Variants in DGKA observed in about 807,000 individuals in gnomAD.
DGKA encodes the protein diacylglycerol kinase alpha, also known as 80 kDa diacylglycerol kinase.
A neutral mutation model predicts 105.0 loss-of-function variants in DGKA; 35 were observed. That is an observed-to-expected ratio of 0.33 (90% CI 0.25 to 0.44). The LOEUF is 0.44. Ranked by LOEUF, DGKA falls within the 20% of genes least tolerant of loss-of-function variation. DGKA has a pLI of 1.00. For synonymous variants in DGKA, 296 were observed against 332.0 expected (o/e 0.89, Z 1.18); for missense variants, 665 against 915.0 (o/e 0.73, Z 3.53).
At chr12:55,937,202 T>A in intron 3 of DGKA, 112 bp downstream of exon 3, 1 of 1,274,642 alleles carries the variant, frequency 7.8e-7, no homozygotes, top group South Asian at 1.2e-5. Context: ...CCTCTAGAGA[T>A]ACCCTAGTGT....
rs745659943 is a variant in DGKA, at chr12:55,939,455, G to A, written c.635G>A (p.Arg212Lys). Residue 212 changes from arginine (R) to lysine (K), a missense_variant, in exon 9 of 24, where the codon AGG (arginine) becomes AAG (lysine). Physicochemically the swap from Arg to Lys is conservative, Grantham distance 26 (BLOSUM62 2). This residue lies in a region of DGKA where 504 missense variants were observed against 681.2 expected (regional missense o/e 0.74). Coordinates refer to ENST00000331886, the MANE Select transcript of DGKA (RefSeq NM_001345.5). ...DDGQHMWRPK[R>K]FPRPVYCNLC... ...GGACAGCACATGTGGAGGCCCAAGA[G>A]GTTCCCCAGACCAGTCTACTGCAAT... 7 of 1,614,074 alleles carry A rather than the reference G, an allele frequency of 4.3e-6. No individual in the cohort carries two copies. The highest frequency in any genetic ancestry group is 3.3e-4 in the Middle Eastern group (2 of 6,084).
At position 55,936,474 on chromosome 12, in the gene DGKA, T is replaced by C. The variant is rs754587331; in HGVS notation, c.-30T>C. On this transcript the variant is annotated 5_prime_UTR_variant, in exon 2 of 24. Coordinates refer to ENST00000331886, the MANE Select transcript of DGKA (RefSeq NM_001345.5). ...ACGGAAGTACTACTACGAAGCTGCCTTTCTGGCCATCCTTGAGAAAAATAG... is the reference window on the plus strand; with the variant it reads ...ACGGAAGTACTACTACGAAGCTGCCCTTCTGGCCATCCTTGAGAAAAATAG... 1.6e-5 allele frequency: 25 copies of C among 1,611,648 alleles called. No individual in the cohort carries two copies. The highest frequency in any genetic ancestry group is 2.1e-5 in the Non-Finnish European group (25 of 1,178,426).
chr12:55,938,839 C>T, intron 6 of DGKA, 76 bp from the exon 7 acceptor site: 1 of 1,587,130 alleles, frequency 6.3e-7, no homozygotes, highest in East Asian at 2.2e-5. Context: ...AACCCAGGAA[C>T]ACTGATTTCT....
In DGKA at chr12:55,941,241, C is replaced by T; in HGVS notation, c.1102-11C>T. The stretch of plus-strand genomic sequence containing the variant: ...TGCTTTCTTTGTCCTTATTTTCTTC[C>T]CCCAATGCAGATTGACCCTGTTCCT... On this transcript the variant is annotated splice_polypyrimidine_tract_variant and intron_variant, in intron 13 of 23. Transcript: ENST00000331886. 6.2e-7 allele frequency: 1 copy of T among 1,608,664 alleles called. No individual in the cohort carries two copies. Among genetic ancestry groups the T allele is most frequent in the South Asian group, 1.1e-5 (1 of 90,862 alleles).
At chr12:55,928,702 A>C (rs1164530709), upstream of DGKA, among the ~76,000 whole-genome samples, 3 of 150,086 alleles carry the variant, frequency 2.0e-5, no homozygotes, top group Non-Finnish European at 4.4e-5. Context: ...AAAAAAAAAA[A>C]AAAACTAAAA....
chr12:55,938,827 G>A, intron 6 of DGKA, 88 bp from the exon 7 acceptor site: 1 of 1,573,814 alleles, frequency 6.4e-7, no homozygotes. Flanking sequence ...AATCTGGGGT[G>A]GAACCCAGGA....
Position 55,942,078 on chromosome 12 carries a change from C to A in DGKA, c.1331C>A (p.Thr444Asn), listed in dbSNP as rs747879364. 6.2e-7 allele frequency: 1 copy of A among 1,614,112 alleles called. No individual in the cohort carries two copies. The highest frequency in any genetic ancestry group is 1.1e-5 in the South Asian group (1 of 91,078). ...GDGTVGWILE[T>N]IDKANLPVLP... Reference sequence around the variant, plus strand: ...GGCACAGTAGGCTGGATTCTAGAGACCATTGGTCAGTGCAGGGAGGGGCGT... The same window carrying A: ...GGCACAGTAGGCTGGATTCTAGAGAACATTGGTCAGTGCAGGGAGGGGCGT... The change falls in exon 16 of 24, where the codon ACC becomes AAC. Residue 444 changes from threonine (T) to asparagine (N), a missense_variant. Physicochemically the swap from Thr to Asn is moderately conservative, Grantham distance 65 (BLOSUM62 0). Around this residue, in one of 3 missense-constraint regions of DGKA, gnomAD observed 504 missense variants for 681.2 expected, o/e 0.74. Transcript: ENST00000331886.
chr12:55,938,858 G>A (rs900175320), intron 6 of DGKA, 57 bp from the exon 7 acceptor site: 2 of 1,606,732 alleles, frequency 1.2e-6, no homozygotes, highest in African/African-American at 1.3e-5. Flanking sequence ...CTGGAAAAGA[G>A]TTTGGATGGT....
rs1884949508 is a variant in DGKA at position 55,937,284 on chromosome 12, C to A, written c.139-124C>A. 8 of 1,301,904 alleles carry A rather than the reference C, an allele frequency of 6.1e-6. No individual in the cohort carries two copies. The East Asian group carries it at 1.6e-4, about 26-fold the overall frequency. The allele number at this position is 1,301,904 out of a possible 1,614,324, so 80.6% of individuals were successfully genotyped here. Reference sequence around the variant, plus strand: ...TTAACTCAGGACTTAATCAAAGAAACCATACTCCTGCCTCAGATGCTTCTC... The same window carrying A: ...TTAACTCAGGACTTAATCAAAGAAAACATACTCCTGCCTCAGATGCTTCTC... On this transcript the variant is annotated intron_variant, in intron 3 of 23. Transcript: ENST00000331886.
intron 2 of DGKA, 118 bp downstream of exon 2, chr12:55,936,685 A>G (rs1451494543): frequency 1.4e-6 from 2 of 1,398,492 alleles, no homozygotes; most frequent in South Asian, 1.2e-5. Context: ...TGTGCTGCTC[A>G]GATGTGCCCA....
At position 55,953,791 on chromosome 12, in the gene DGKA, G is replaced by C; in HGVS notation, c.*23G>C. ...TAAGGGGGACACCCTTGGCCTCCAA[G>C]CCAGCCTTGAACCCACCTCCCTGTC... On this transcript the variant is annotated 3_prime_UTR_variant, in exon 24 of 24. Coordinates refer to ENST00000331886, the MANE Select transcript of DGKA (RefSeq NM_001345.5). The C allele has an allele frequency of 6.2e-7, 1 of 1,611,026 alleles. No homozygotes were observed. Among genetic ancestry groups the C allele is most frequent in the Non-Finnish European group, 8.5e-7 (1 of 1,177,238 alleles).
chr12:55,941,629 G>A (rs1565746344), intron 15 of DGKA, 45 bp downstream of exon 15: 9 of 1,585,180 alleles, frequency 5.7e-6, no homozygotes, highest in Non-Finnish European at 8.7e-7. Context: ...TCGTGGGTCT[G>A]TGTATCTGTA....
rs12305850 is a variant in DGKA, at chr12:55,951,504, G to A, written c.1427-119G>A. On this transcript the variant is annotated intron_variant, in intron 17 of 23. Transcript: ENST00000331886. ...TGCACCCTGCCCTGTCACTGGCTAG[G>A]GCTGGGAGGCTCTGTAGAAACAGGG... 10,204 of 1,066,248 alleles carry A rather than the reference G, an allele frequency of 9.6e-3. 637 individuals carry two copies. In the Admixed American group the frequency reaches 0.15, roughly 15 times the overall value. 66.0% of individuals were successfully genotyped at this position (1,066,248 alleles called of 1,614,324 possible).
In DGKA at chr12:55,939,175, T is replaced by A; in HGVS notation, c.475-11T>A. Reference sequence around the variant, plus strand: ...ACTCATACTGAAAGTCCCTTTCCACTCTGTGCTCAGATTCTTCAGGAGATG... The same window carrying A: ...ACTCATACTGAAAGTCCCTTTCCACACTGTGCTCAGATTCTTCAGGAGATG... On this transcript the variant is annotated splice_polypyrimidine_tract_variant and intron_variant, in intron 7 of 23. Coordinates refer to ENST00000331886, the MANE Select transcript of DGKA (RefSeq NM_001345.5). The A allele has an allele frequency of 6.2e-7, 1 of 1,613,586 alleles. No homozygotes were observed. Among genetic ancestry groups the A allele is most frequent in the South Asian group, 1.1e-5 (1 of 90,978 alleles).
At chr12:55,951,047 A>G (rs1888051343) in intron 17 of DGKA, among the ~76,000 whole-genome samples, 1 of 152,148 alleles carries the variant, frequency 6.6e-6, no homozygotes, top group African/African-American at 2.4e-5. Context: ...TCATGCAGGT[A>G]GCGAGCATAG....
At chr12:55,951,519 T>G in intron 17 of DGKA, 104 bp from the exon 18 acceptor site, 1 of 1,276,776 alleles carries the variant, frequency 7.8e-7, no homozygotes, top group Non-Finnish European at 1.1e-6. Context: ...GGAGGCTCTG[T>G]AGAAACAGGG....
rs562271592 is a variant in DGKA at position 55,940,365 on chromosome 12, C to A, written c.850C>A (p.Arg284Ser). ...AGGCTGTGAGTCCGGGCGCTGCGACCGCTGTCAGAAAAAGATCCGGATCTA... is the reference window on the plus strand; with the variant it reads ...AGGCTGTGAGTCCGGGCGCTGCGACAGCTGTCAGAAAAAGATCCGGATCTA... Reference protein sequence around the residue: ...RGGCESGRCDRCQKKIRIYHS... With the variant: ...RGGCESGRCDSCQKKIRIYHS... The change falls in exon 11 of 24, where the codon CGC becomes AGC. Residue 284 changes from arginine to serine, a missense_variant. Coordinates refer to ENST00000331886, the MANE Select transcript of DGKA (RefSeq NM_001345.5). This position sits in a 1 kb window ranked among gnomAD's most constrained non-coding sequence, Gnocchi z 4.3. 6 of 1,614,238 alleles carry A rather than the reference C, an allele frequency of 3.7e-6. No homozygotes were observed. In the East Asian group the frequency reaches 6.7e-5, roughly 18 times the overall value.
At position 55,941,550 on chromosome 12, in the gene DGKA, G is replaced by A; in HGVS notation, c.1216G>A (p.Val406Met). ...KFQYILNPRQ[V>M]FNLLKDGPEI... ...CCAGTATATATTAAACCCTCGACAG[G>A]TGTTCAACCTCCTAAAGGATGGTCC... The change falls in exon 15 of 24, where the codon GTG (valine) becomes ATG (methionine). Residue 406 changes from valine to methionine, a missense_variant. Around this residue, in one of 3 missense-constraint regions of DGKA, gnomAD observed 504 missense variants for 681.2 expected, o/e 0.74. Transcript: ENST00000331886. The A allele has an allele frequency of 8.7e-6, 14 of 1,614,166 alleles. No homozygotes were observed. Among genetic ancestry groups the A allele is most frequent in the Non-Finnish European group, 1.1e-5 (13 of 1,180,028 alleles).
chr12:55,938,867 G>A (rs1885313128), intron 6 of DGKA, 48 bp from the exon 7 acceptor site: 1 of 1,608,140 alleles, frequency 6.2e-7, no homozygotes, highest in Non-Finnish European at 8.5e-7. Context: ...AGTTTGGATG[G>A]TGGTAGTAAA....
Sources: allele counts gnomAD v4.1 joint callset (sites outside exome capture counted in the v4.1 genomes callset), GRCh38; gene constraint gnomAD v4.1.1; regional missense constraint gnomAD v4.1.1; non-coding constraint Gnocchi (gnomAD v3.1); transcripts MANE v1.5; gene names NCBI Gene and HGNC (gene_info 2026-07-23, HGNC 2026-07-21).